The following IL1RAPL2 variants were observed in gnomAD, a reference collection of about 807,000 sequenced individuals.
IL1RAPL2 encodes the protein interleukin 1 receptor accessory protein like 2.
Under a neutral mutation model 44.1 loss-of-function variants are expected in IL1RAPL2, and 3 were observed. The ratio of observed to expected loss-of-function variants is 0.07; its 90% confidence interval spans 0.03 to 0.18. The LOEUF is 0.18. IL1RAPL2 is among the 10% of genes least tolerant of loss of function. IL1RAPL2 has a pLI of 1.00. For synonymous variants in IL1RAPL2, 181 were observed against 178.8 expected, an observed-to-expected ratio of 1.01 and a Z score of -0.10; for missense variants, 391 against 496.4, an observed-to-expected ratio of 0.79 and a Z score of 2.02.
chrX:105,632,054 T>TC (rs1309433297), intron 6 of IL1RAPL2, among the ~76,000 whole-genome samples: 1 of 109,895 alleles, frequency 9.1e-6, no homozygotes, highest in Admixed American at 9.7e-5. Flanking sequence ...CTTATTCCTT[T>TC]CCCTTTTTTT....
rs1046793753 is a variant in IL1RAPL2 at position 104,793,737 on chromosome X, G to T, written c.82+134742G>T. Among the ~76,000 whole-genome samples the T allele has an allele frequency of 4.5e-5, 5 of 111,186 alleles. No homozygotes were observed. The Admixed American group carries it at 4.8e-4, about 11-fold the overall frequency. ...AGTAATATCCTATATTTGGATTTTC[G>T]AAACAACACCTATTAATTATCCTCC... On this transcript the variant is annotated intron_variant, in intron 2 of 10. Coordinates refer to ENST00000372582, the MANE Select transcript of IL1RAPL2 (RefSeq NM_017416.2).
chrX:104,761,491 C>T (rs889324895), intron 2 of IL1RAPL2, among the ~76,000 whole-genome samples: 1 of 110,193 alleles, frequency 9.1e-6, no homozygotes, highest in African/African-American at 3.3e-5. Flanking sequence ...CCATATCATT[C>T]TCCTCCGGCC....
intron 5 of IL1RAPL2, among the ~76,000 whole-genome samples, chrX:105,319,838 A>G (rs2034883558): frequency 8.9e-6 from 1 of 112,120 alleles, no homozygotes; most frequent in South Asian, 3.7e-4. Context: ...TGATAGATTC[A>G]GAAGAACCCT....
At chrX:105,661,367 C>T (rs2037718868) in intron 6 of IL1RAPL2, among the ~76,000 whole-genome samples, 1 of 111,633 alleles carries the variant, frequency 9.0e-6, no homozygotes, top group Admixed American at 9.5e-5. Context: ...GACAGGCCTT[C>T]CAGAGAGAAA....
At chrX:104,770,374 T>A (rs1164447177) in intron 2 of IL1RAPL2, among the ~76,000 whole-genome samples, 1 of 111,678 alleles carries the variant, frequency 9.0e-6, no homozygotes, top group Non-Finnish European at 1.9e-5. Flanking sequence ...AGTCATCCTA[T>A]GTTCTAGTTT....
At position 105,236,233 on chromosome X, in the gene IL1RAPL2, A is replaced by C. The variant is rs563140857; in HGVS notation, c.543+2229A>C. Among the ~76,000 whole-genome samples, 5 of 111,899 alleles carry C rather than the reference A, an allele frequency of 4.5e-5. No individual in the cohort carries two copies. In the East Asian group the frequency reaches 1.4e-3, roughly 32 times the overall value. On this transcript the variant is annotated intron_variant, in intron 4 of 10. Coordinates refer to ENST00000372582, the MANE Select transcript of IL1RAPL2 (RefSeq NM_017416.2). The stretch of plus-strand genomic sequence containing the variant: ...TCTTCTCCTTTTCTCATATCTCTAG[A>C]CATCACTATCATCCTTACATACTCA...
At chrX:105,046,800 T>A (rs2031843105) in intron 2 of IL1RAPL2, among the ~76,000 whole-genome samples, 1 of 98,982 alleles carries the variant, frequency 1.0e-5, no homozygotes, top group East Asian at 3.3e-4. Flanking sequence ...CATCGCCTAC[T>A]TTACCTACAT....
intron 2 of IL1RAPL2, among the ~76,000 whole-genome samples, chrX:105,186,342 C>A (rs1163157120): frequency 2.7e-5 from 3 of 111,653 alleles, no homozygotes; most frequent in African/African-American, 9.8e-5. Context: ...GTAGGAAAAC[C>A]AAGATGCCAT....
At chrX:104,898,032 G>A (rs1486550534) in intron 2 of IL1RAPL2, among the ~76,000 whole-genome samples, 2 of 111,864 alleles carry the variant, frequency 1.8e-5, no homozygotes, top group African/African-American at 6.5e-5. Context: ...TTGAATATAA[G>A]CCCCCGTTCT....
intron 2 of IL1RAPL2, among the ~76,000 whole-genome samples, chrX:104,881,348 A>G (rs1923065566): frequency 8.9e-6 from 1 of 111,999 alleles, no homozygotes; most frequent in Admixed American, 9.5e-5. Context: ...TTTCATATTT[A>G]TCTGTAAATT....
chrX:104,701,049 G>T (rs1356772876), intron 2 of IL1RAPL2, among the ~76,000 whole-genome samples: 1 of 111,294 alleles, frequency 9.0e-6, no homozygotes, highest in Non-Finnish European at 1.9e-5. Flanking sequence ...AGGTTTAGCT[G>T]TAATAGAGGG....
chrX:104,782,374 A>T (rs1007418269), intron 2 of IL1RAPL2, among the ~76,000 whole-genome samples: 1 of 111,157 alleles, frequency 9.0e-6, no homozygotes, highest in Non-Finnish European at 1.9e-5. Flanking sequence ...GGTGTCAGAT[A>T]CTCTGGACAT....
At chrX:104,860,340 T>C (rs1922460884) in intron 2 of IL1RAPL2, among the ~76,000 whole-genome samples, 1 of 111,764 alleles carries the variant, frequency 8.9e-6, no homozygotes, top group Non-Finnish European at 1.9e-5. Context: ...ACTTACTTAA[T>C]TGATTTGCTT....
intron 6 of IL1RAPL2, among the ~76,000 whole-genome samples, chrX:105,672,588 T>C (rs2037833683): frequency 8.9e-6 from 1 of 112,458 alleles, no homozygotes; most frequent in Admixed American, 9.4e-5. Context: ...GTGTCTCACA[T>C]AGATACTGCA....
intron 2 of IL1RAPL2, among the ~76,000 whole-genome samples, chrX:104,879,785 A>T (rs1374517142): frequency 9.0e-6 from 1 of 111,556 alleles, no homozygotes; most frequent in East Asian, 2.8e-4. Flanking sequence ...TCAGGACAGG[A>T]TCTCATATTT....
intron 2 of IL1RAPL2, among the ~76,000 whole-genome samples, chrX:105,040,559 T>G (rs377469603): frequency 9.1e-6 from 1 of 110,495 alleles, no homozygotes; most frequent in South Asian, 3.8e-4. Flanking sequence ...CAATTTCAGA[T>G]CCTGTTATTG....
At chrX:105,282,421 G>A (rs1387143958) in intron 5 of IL1RAPL2, among the ~76,000 whole-genome samples, 1 of 111,723 alleles carries the variant, frequency 9.0e-6, no homozygotes, top group Non-Finnish European at 1.9e-5. Flanking sequence ...AGTTAGAAAT[G>A]TCTCCATGAT....
At chrX:104,590,022 A>AG (rs1927144867) in intron 1 of IL1RAPL2, among the ~76,000 whole-genome samples, 1 of 111,449 alleles carries the variant, frequency 9.0e-6, no homozygotes, top group African/African-American at 3.3e-5. Flanking sequence ...TACCATCCAT[A>AG]GTAGCCTAAG....
intron 5 of IL1RAPL2, chrX:105,407,117 C>G (rs2035651789): frequency 1.9e-5 from 10 of 522,229 alleles, no homozygotes; most frequent in Non-Finnish European, 6.7e-6. Flanking sequence ...TCTCCACTCA[C>G]TCAGTTGTCT....
Sources: gnomAD v4.1 joint callset for allele counts (sites outside exome capture counted in the v4.1 genomes callset) on GRCh38, gnomAD v4.1.1 for gene constraint, MANE v1.5 for transcripts, NCBI Gene and HGNC (gene_info 2026-07-23, HGNC 2026-07-21) for gene names.